The following LRRC41 variants were observed in gnomAD, a reference collection of about 807,000 sequenced individuals.
The protein encoded by LRRC41 is leucine rich repeat containing 41, also known as leucine-rich repeat-containing protein 41.
Under a neutral mutation model 72.1 loss-of-function variants are expected in LRRC41, and 17 were observed. The ratio of observed to expected loss-of-function variants is 0.24; its 90% CI spans 0.16 to 0.35. The LOEUF is 0.35. Among genes scored for constraint, LRRC41 ranks in the 10% least tolerant of loss-of-function variants. The pLI is 1.00. For missense variants in LRRC41, 759 were observed against 1,065.0 expected (o/e 0.71, Z 4.00); for synonymous variants, 427 against 431.0 (o/e 0.99, Z 0.11).
Position 46,286,619 on chromosome 1 carries a change from T to C in LRRC41, c.358-120A>G. Reference sequence around the variant, plus strand: ...GCAACACTACAAATTCATTTAATCTTCACATCTCTGAGGTATGTATTATTA... The same window carrying C: ...GCAACACTACAAATTCATTTAATCTCCACATCTCTGAGGTATGTATTATTA... On this transcript the variant is annotated intron_variant, in intron 3 of 9. Coordinates refer to ENST00000617190, the MANE Select transcript of LRRC41 (RefSeq NM_006369.5). The surrounding 1 kb of genome is among the most constrained non-coding windows in gnomAD (Gnocchi z 5.5). 1 of 952,072 alleles carries C rather than the reference T, an allele frequency of 1.1e-6. No homozygotes were observed. 59.0% of individuals were successfully genotyped at this position (952,072 alleles called of 1,614,324 possible).
Position 46,303,556 on chromosome 1 carries a change from C to T in LRRC41, c.-234G>A. The T allele has an allele frequency of 1.3e-6, 1 of 789,768 alleles. No individual in the cohort carries two copies. The highest frequency in any genetic ancestry group is 2.0e-6 in the Non-Finnish European group (1 of 504,916). 48.9% of individuals were successfully genotyped at this position (789,768 alleles called of 1,614,324 possible). On this transcript the variant is annotated 5_prime_UTR_variant, in exon 1 of 10. Coordinates refer to ENST00000617190, the MANE Select transcript of LRRC41 (RefSeq NM_006369.5). ...AGGGGATGTTTCTTAGCAAAGCCTC[C>T]TCGGGTGCAAACATCAGCTACCCCT...
At position 46,301,902 on chromosome 1, in the gene LRRC41, C is replaced by T. The variant is rs892686027; in HGVS notation, c.199+1222G>A. On this transcript the variant is annotated intron_variant, in intron 1 of 9. Transcript: ENST00000617190. ...TCCAACCCCGGCCTCCCGACCCCAC[C>T]CTCACAGAGCCAGCAGCCTCTCAGG... 5.2e-6 allele frequency: 5 copies of T among 965,932 alleles called. No individual in the cohort carries two copies. In the African/African-American group the frequency reaches 8.8e-5, roughly 17 times the overall value. 59.8% of individuals were successfully genotyped at this position (965,932 alleles called of 1,614,324 possible). A position where few individuals can be genotyped will look rare whatever the true frequency, so the allele number is the denominator to read the frequency against.
rs1247368326 is a variant in LRRC41 at position 46,285,339 on chromosome 1, C to T, written c.1495+23G>A. ...TGCTGCTAGGCAATCTAAGCCCAAT[C>T]CCTGCCACTCCAGGGTGCTCACCAT... is the stretch of plus-strand genomic sequence containing the variant. On this transcript the variant is annotated intron_variant, in intron 4 of 9. Transcript: ENST00000617190. The surrounding 1 kb of genome is among the most constrained non-coding windows in gnomAD (Gnocchi z 5.3). 6.2e-7 allele frequency: 1 copy of T among 1,611,904 alleles called. No homozygotes were observed. The highest frequency in any genetic ancestry group is 1.7e-5 in the Admixed American group (1 of 59,582).
Position 46,277,817 on chromosome 1 carries a change from G to A in LRRC41, c.*1048C>T. ...ACATTCCCCACCTCCTCTTCCCCAGGCAGGGACCATTGAGGAGAAGATCTT... is the reference window on the plus strand; with the variant it reads ...ACATTCCCCACCTCCTCTTCCCCAGACAGGGACCATTGAGGAGAAGATCTT... On this transcript the variant is annotated 3_prime_UTR_variant, in exon 10 of 10. Coordinates refer to ENST00000617190, the MANE Select transcript of LRRC41 (RefSeq NM_006369.5). 1 of 1,605,146 alleles carries A rather than the reference G, an allele frequency of 6.2e-7. No individual in the cohort carries two copies. Among genetic ancestry groups the A allele is most frequent in the Non-Finnish European group, 8.5e-7 (1 of 1,172,174 alleles).
intron 3 of LRRC41, among the ~76,000 whole-genome samples, chr1:46,294,751 C>T (rs552738360): frequency 5.9e-5 from 9 of 151,978 alleles, no homozygotes; most frequent in Non-Finnish European, 7.4e-5. Flanking sequence ...CGTGCCACCA[C>T]GCCCAGCTAA....
chr1:46,289,970 G>A (rs1414601205), intron 3 of LRRC41, among the ~76,000 whole-genome samples: 1 of 152,144 alleles, frequency 6.6e-6, no homozygotes, highest in Non-Finnish European at 1.5e-5. Context: ...TCAGTGGGCT[G>A]GTAGGGGAAG....
At chr1:46,288,706 C>T (rs1660936316) in intron 3 of LRRC41, among the ~76,000 whole-genome samples, 1 of 152,210 alleles carries the variant, frequency 6.6e-6, no homozygotes, top group South Asian at 2.1e-4. Flanking sequence ...TTAGCTATTT[C>T]CCCAGACTCC....
Position 46,280,477 on chromosome 1 carries a change from C to T in LRRC41, c.1840G>A (p.Gly614Ser). The T allele has an allele frequency of 1.9e-6, 3 of 1,614,166 alleles. No homozygotes were observed. The highest frequency in any genetic ancestry group is 2.5e-6 in the Non-Finnish European group (3 of 1,180,014). Residue 614 changes from glycine to serine, a missense_variant, in exon 6 of 10, where the codon GGT becomes AGT. Physicochemically the swap from Gly to Ser is moderately conservative, Grantham distance 56. Coordinates refer to ENST00000617190, the MANE Select transcript of LRRC41 (RefSeq NM_006369.5). ...PLLCSVLKASGSLQQLSLDSA... is the reference protein window; with the variant it reads ...PLLCSVLKASSSLQQLSLDSA... Reference sequence around the variant, plus strand: ...TCCAGGGACAGCTGCTGCAGAGAACCCGAGGCCTTCAGAACGGAGCACAGC... The same window carrying T: ...TCCAGGGACAGCTGCTGCAGAGAACTCGAGGCCTTCAGAACGGAGCACAGC...
At chr1:46,292,999 C>T (rs1294262403) in intron 3 of LRRC41, among the ~76,000 whole-genome samples, 2 of 152,058 alleles carry the variant, frequency 1.3e-5, no homozygotes, top group Admixed American at 6.6e-5. Flanking sequence ...TCCTGGCCAA[C>T]ATGGTGAAAC....
chr1:46,281,663 C>CACA (rs1198442265), intron 4 of LRRC41, among the ~76,000 whole-genome samples: 2 of 152,204 alleles, frequency 1.3e-5, no homozygotes, highest in Non-Finnish European at 2.9e-5. Context: ...CAGCATGTGG[C>CACA]TACTAGCTGA....
rs1167783251 is a variant in LRRC41, at chr1:46,303,218, G to A, written c.105C>T (p.Ser35=). 1.9e-6 allele frequency: 3 copies of A among 1,564,364 alleles called. No individual in the cohort carries two copies. Among genetic ancestry groups the A allele is most frequent in the Non-Finnish European group, 2.6e-6 (3 of 1,158,108 alleles). The part of the protein sequence containing the change: ...ATSREAAPAK[S]SASGPNAPPA... Reference sequence around the variant, plus strand: ...GGGGAGCGTTGGGGCCCGAGGCCGAGCTCTTCGCTGGCGCCGCCTCCCGGG... The same window carrying A: ...GGGGAGCGTTGGGGCCCGAGGCCGAACTCTTCGCTGGCGCCGCCTCCCGGG... Residue 35 remains serine, a synonymous_variant, in exon 1 of 10, where the codon AGC becomes AGT. Coordinates refer to ENST00000617190, the MANE Select transcript of LRRC41 (RefSeq NM_006369.5).
intron 7 of LRRC41, 32 bp downstream of exon 7, chr1:46,280,160 G>A: frequency 6.5e-7 from 1 of 1,539,080 alleles, no homozygotes; most frequent in Non-Finnish European, 9.0e-7. Context: ...TGAAGACCCA[G>A]GAAATGTCCA....
At position 46,279,279 on chromosome 1, in the gene LRRC41, C is replaced by CT; in HGVS notation, c.2144-23dup. 6.2e-7 allele frequency: 1 copy of CT among 1,612,662 alleles called. No individual in the cohort carries two copies. Among genetic ancestry groups the CT allele is most frequent in the African/African-American group, 1.3e-5 (1 of 75,004 alleles). ...TTCCCTGGAGAGAAGGGGAGAACGC[C>CT]TATCACCTCCACCCAAGAACAGGGG... is the stretch of plus-strand genomic sequence containing the variant. On this transcript the variant is annotated intron_variant, in intron 8 of 9. Transcript: ENST00000617190. The surrounding 1 kb of genome is among the most constrained non-coding windows in gnomAD (Gnocchi z 4.5).
In LRRC41 at chr1:46,285,684, G is replaced by C. The variant is rs557844241; in HGVS notation, c.1173C>G (p.Phe391Leu). 8 of 1,614,160 alleles carry C rather than the reference G, an allele frequency of 5.0e-6. No individual in the cohort carries two copies. In the African/African-American group the frequency reaches 9.3e-5, roughly 19 times the overall value. ...SAPQPKPLKR[F>L]KRAAGKKGAR... ...CACCCTTCTTCCCTGCAGCTCGCTT[G>C]AAACGCTTTAGGGGCTTAGGCTGTG... The change falls in exon 4 of 10, where the codon TTC (phenylalanine) becomes TTG (leucine). Residue 391 changes from phenylalanine to leucine, a missense_variant. By Grantham distance (22) the Phe-to-Leu change is conservative. Around this residue, in one of 4 missense-constraint regions of LRRC41, gnomAD observed 427 missense variants for 520.9 expected, o/e 0.82. Coordinates refer to ENST00000617190, the MANE Select transcript of LRRC41 (RefSeq NM_006369.5). The surrounding 1 kb of genome is among the most constrained non-coding windows in gnomAD (Gnocchi z 5.3).
chr1:46,282,055 G>C (rs1660788549), intron 4 of LRRC41, among the ~76,000 whole-genome samples: 1 of 151,228 alleles, frequency 6.6e-6, no homozygotes, highest in Admixed American at 6.6e-5. Flanking sequence ...CTCCGGCTTA[G>C]GTGAAAAAGC....
In LRRC41 at chr1:46,290,887, C is replaced by T. The variant is rs191617753; in HGVS notation, c.358-4388G>A. On this transcript the variant is annotated intron_variant, in intron 3 of 9. Coordinates refer to ENST00000617190, the MANE Select transcript of LRRC41 (RefSeq NM_006369.5). ...CCTCCCAAAGTGTTGGGATTACAGGCGTAAGCCACCATGCCCGGCCTGTTT... is the reference window on the plus strand; with the variant it reads ...CCTCCCAAAGTGTTGGGATTACAGGTGTAAGCCACCATGCCCGGCCTGTTT... Among the ~76,000 whole-genome samples, 29 of 136,078 alleles carry T rather than the reference C, an allele frequency of 2.1e-4. No homozygotes were observed. The East Asian group carries it at 6.1e-3, about 29-fold the overall frequency. The allele number at this position is 136,078 out of a possible 152,430, so 89.3% of individuals were successfully genotyped here.
intron 3 of LRRC41, among the ~76,000 whole-genome samples, chr1:46,290,615 C>CTTT (rs549146330): frequency 1.4e-5 from 2 of 138,850 alleles, no homozygotes; most frequent in African/African-American, 2.6e-5. Context: ...TTGTTTCTAG[C>CTTT]TTTTTTTTTT....
chr1:46,303,061 C>G, intron 1 of LRRC41, 63 bp downstream of exon 1: 3 of 1,339,468 alleles, frequency 2.2e-6, no homozygotes, highest in South Asian at 1.9e-5. Context: ...GCCCCCCGCG[C>G]CCCCCGGCCG....
chr1:46,286,963 C>T lies in LRRC41; in HGVS notation c.358-464G>A, dbSNP rs938441382. 4.6e-5 allele frequency among the ~76,000 whole-genome samples: 7 copies of T among 152,102 alleles called. No homozygotes were observed. Among genetic ancestry groups the T allele is most frequent in the Non-Finnish European group, 4.4e-5 (3 of 68,016 alleles). On this transcript the variant is annotated intron_variant, in intron 3 of 9. Coordinates refer to ENST00000617190, the MANE Select transcript of LRRC41 (RefSeq NM_006369.5). The surrounding 1 kb of genome is among the most constrained non-coding windows in gnomAD (Gnocchi z 5.5). ...CCTCCAGAGAAGCTGGGATTACAGGCGCCCGCCACCACACCTGGCTAATTT... is the reference window on the plus strand; with the variant it reads ...CCTCCAGAGAAGCTGGGATTACAGGTGCCCGCCACCACACCTGGCTAATTT...
Sources: gnomAD v4.1 joint callset for allele counts (sites outside exome capture counted in the v4.1 genomes callset) on GRCh38, gnomAD v4.1.1 for gene constraint, gnomAD v4.1.1 regional missense constraint, Gnocchi (gnomAD v3.1) non-coding constraint, MANE v1.5 for transcripts, NCBI Gene and HGNC (gene_info 2026-07-23, HGNC 2026-07-21) for gene names.